Variants in ARHGEF17 observed in about 807,000 individuals in gnomAD.
ARHGEF17 encodes the protein 164 kDa Rho-specific guanine-nucleotide exchange factor.
ARHGEF17 carries 80 observed loss-of-function variants against 174.0 expected under a neutral mutation model. That is an observed-to-expected ratio of 0.46 (90% CI 0.38 to 0.55). The LOEUF (loss-of-function observed/expected upper bound fraction) is 0.55. Ranked by LOEUF, ARHGEF17 falls within the 20% of genes least tolerant of loss-of-function variation. The pLI is 0.00. For missense variants in ARHGEF17, 2,886 were observed against 2,839.7 expected (o/e 1.02, Z -0.37); for synonymous variants, 1,311 against 1,189.1 (o/e 1.10, Z -2.11).
At chr11:73,355,004 C>T (rs1312845417) in intron 3 of ARHGEF17, among the ~76,000 whole-genome samples, 1 of 152,218 alleles carries the variant, frequency 6.6e-6, no homozygotes, top group African/African-American at 2.4e-5. Flanking sequence ...GGCCAGGTGG[C>T]GTACCAGGCA....
chr11:73,362,670 G>A lies in ARHGEF17; in HGVS notation c.4932G>A (p.Ser1644=), dbSNP rs138108633. 2.5e-6 allele frequency: 4 copies of A among 1,611,066 alleles called. No homozygotes were observed. The highest frequency in any genetic ancestry group is 1.1e-5 in the South Asian group (1 of 91,082). The stretch of plus-strand genomic sequence containing the variant: ...ACAGTGACTCTGACGATGAGTCTTC[G>A]CCCAGCCCCTCGGGGACGCTGCAGA... The part of the protein sequence containing the change: ...PFDSDSDDES[S]PSPSGTLQSQ... Residue 1644 remains serine (S), a synonymous_variant, in exon 14 of 21, where the codon TCG becomes TCA. Coordinates refer to ENST00000263674, the MANE Select transcript of ARHGEF17 (RefSeq NM_014786.4).
chr11:73,318,363 G>A (rs777714444), intron 1 of ARHGEF17, among the ~76,000 whole-genome samples: 3 of 152,194 alleles, frequency 2.0e-5, no homozygotes, highest in Non-Finnish European at 2.9e-5. Context: ...TGGGCCGGGC[G>A]TGGTGGCTCA....
Position 73,362,679 on chromosome 11 carries a change from C to G in ARHGEF17, c.4941C>G (p.Pro1647=). The change falls in exon 14 of 21, where the codon CCC becomes CCG. Residue 1647 remains proline, a synonymous_variant. Transcript: ENST00000263674. ...SDSDDESSPS[P]SGTLQSQASR... is the part of the protein sequence containing the mutation. ...CTGACGATGAGTCTTCGCCCAGCCC[C>G]TCGGGGACGCTGCAGAGCCAGGCCA... The G allele has an allele frequency of 6.2e-7, 1 of 1,610,400 alleles. No homozygotes were observed. Among genetic ancestry groups the G allele is most frequent in the Non-Finnish European group, 8.5e-7 (1 of 1,179,688 alleles).
chr11:73,362,449 C>G lies in ARHGEF17; in HGVS notation c.4711C>G (p.Leu1571Val). The G allele has an allele frequency of 6.4e-7, 1 of 1,572,768 alleles. No homozygotes were observed. Among genetic ancestry groups the G allele is most frequent in the Non-Finnish European group, 8.6e-7 (1 of 1,163,542 alleles). ...TTCTCGCAGGGAGCCTCCTCCGTCG[C>G]TGAGGAGTCCTCCAGAGACGGCACC... ...PRCHREPPPS[L>V]RSPPETAPEP... Residue 1571 changes from leucine to valine, a missense_variant, in exon 14 of 21, where the codon CTG becomes GTG. Leu to Val is a conservative substitution (Grantham distance 32, BLOSUM62 1). Transcript: ENST00000263674.
intron 13 of ARHGEF17, 62 bp from the exon 14 acceptor site, chr11:73,362,371 G>T: frequency 6.8e-7 from 1 of 1,464,624 alleles, no homozygotes; most frequent in Non-Finnish European, 9.0e-7. Context: ...CGGTGGGCGT[G>T]TCCACCACCG....
intron 1 of ARHGEF17, among the ~76,000 whole-genome samples, chr11:73,344,652 C>T (rs139994388): frequency 9.8e-5 from 15 of 152,334 alleles, no homozygotes; most frequent in Non-Finnish European, 1.8e-4. Flanking sequence ...TGACCTGCTG[C>T]GTGTGGACAG....
At chr11:73,343,291 G>A in intron 1 of ARHGEF17, 1 of 398,164 alleles carries the variant, frequency 2.5e-6, no homozygotes, top group East Asian at 3.6e-5. Context: ...CGGGGAGGGG[G>A]AGGGGCAGCC....
intron 1 of ARHGEF17, among the ~76,000 whole-genome samples, chr11:73,340,068 G>A (rs1188876645): frequency 6.6e-6 from 1 of 152,112 alleles, no homozygotes; most frequent in Non-Finnish European, 1.5e-5. Context: ...GGCCCACCTG[G>A]TGCCCTCAGC....
At position 73,308,734 on chromosome 11, in the gene ARHGEF17, C is replaced by A; in HGVS notation, c.96C>A (p.Asp32Glu). 1.3e-6 allele frequency: 2 copies of A among 1,507,684 alleles called. No individual in the cohort carries two copies. The highest frequency in any genetic ancestry group is 2.5e-5 in the South Asian group (2 of 80,552). The allele number at this position is 1,507,684 out of a possible 1,614,324, so 93.4% of individuals were successfully genotyped here. The change falls in exon 1 of 21, where the codon GAC becomes GAA. Residue 32 changes from aspartate (D) to glutamate (E), a missense_variant. Transcript: ENST00000263674. The part of the protein sequence containing the change: ...WSGGPGLREE[D>E]TDTPGLRRRA... ...GCGGCCCCGGGCTGAGGGAGGAGGACACGGACACCCCCGGCTTGAGGCGAC... is the reference window on the plus strand; with the variant it reads ...GCGGCCCCGGGCTGAGGGAGGAGGAAACGGACACCCCCGGCTTGAGGCGAC...
In ARHGEF17 at chr11:73,365,832, C is replaced by G. The variant is rs778699721; in HGVS notation, c.5880C>G (p.Leu1960=). ...PGTVSCPRAP[L]SPTGLGQGHT... ...CTGTCAGCTGCCCACGGGCACCACT[C>G]AGTCCCACAGGCCTCGGCCAGGGAC... Residue 1960 remains leucine, a synonymous_variant, in exon 20 of 21, where the codon CTC becomes CTG. Coordinates refer to ENST00000263674, the MANE Select transcript of ARHGEF17 (RefSeq NM_014786.4). This position sits in a 1 kb window ranked among gnomAD's most constrained non-coding sequence, Gnocchi z 4.9. The G allele has an allele frequency of 8.7e-6, 14 of 1,613,164 alleles. No individual in the cohort carries two copies. The African/African-American group carries it at 1.2e-4, about 14-fold the overall frequency.
chr11:73,357,443 C>A, intron 9 of ARHGEF17, 116 bp downstream of exon 9: 2 of 941,436 alleles, frequency 2.1e-6, no homozygotes, highest in Non-Finnish European at 3.2e-6. Context: ...ACTTTTGGGC[C>A]TCGCTCTCTC....
At position 73,311,826 on chromosome 11, in the gene ARHGEF17, A is replaced by G; in HGVS notation, c.3188A>G (p.Gln1063Arg). ...GCCAGCAAGTGCTGCAGCAAGCCAC[A>G]GGTGGTGAGTCCTTTGTAGGGGCCT... ...TPASKCCSKP[Q>R]VDMRKHVAMT... The change falls in exon 1 of 21, where the codon CAG becomes CGG. Residue 1063 changes from glutamine (Q) to arginine (R), a missense_variant. Around this residue, in one of 4 missense-constraint regions of ARHGEF17, gnomAD observed 353 missense variants for 470.3 expected, o/e 0.75. Coordinates refer to ENST00000263674, the MANE Select transcript of ARHGEF17 (RefSeq NM_014786.4). The G allele has an allele frequency of 6.2e-7, 1 of 1,601,018 alleles. No individual in the cohort carries two copies. The highest frequency in any genetic ancestry group is 8.5e-7 in the Non-Finnish European group (1 of 1,171,052).
At chr11:73,360,239 A>G in intron 10 of ARHGEF17, 81 bp from the exon 11 acceptor site, 3 of 1,484,546 alleles carry the variant, frequency 2.0e-6, no homozygotes, top group Non-Finnish European at 2.8e-6. Flanking sequence ...CTAAGGAGAG[A>G]GGCAGGTCCC....
Position 73,363,452 on chromosome 11 carries a change from G to T in ARHGEF17, c.5243G>T (p.Gly1748Val). The change falls in exon 15 of 21, where the codon GGC (glycine) becomes GTC (valine). Residue 1748 changes from glycine to valine, a missense_variant. Transcript: ENST00000263674. ...TCCGTGTGGCTGGGCACTGAGGATG[G>T]CTGGTAGGGACAGGGGAGGGACTAG... ...QSSVWLGTED[G>V]CVHVYQSSDS... 1 of 1,611,896 alleles carries T rather than the reference G, an allele frequency of 6.2e-7. No homozygotes were observed. The highest frequency in any genetic ancestry group is 8.5e-7 in the Non-Finnish European group (1 of 1,179,042).
At chr11:73,346,413 G>A (rs1023221035) in intron 1 of ARHGEF17, among the ~76,000 whole-genome samples, 7 of 152,198 alleles carry the variant, frequency 4.6e-5, no homozygotes, top group Non-Finnish European at 1.0e-4. Flanking sequence ...GGGTGATGGT[G>A]TCTACTCTTA....
intron 1 of ARHGEF17, among the ~76,000 whole-genome samples, chr11:73,338,346 TA>T (rs769772292): frequency 6.6e-6 from 1 of 152,296 alleles, no homozygotes; most frequent in African/African-American, 2.4e-5. Flanking sequence ...CCTGCCTTCT[TA>T]ATCTCTCTAC....
rs749850637 is a variant in ARHGEF17 at position 73,311,624 on chromosome 11, C to A, written c.2986C>A (p.Pro996Thr). ...CATAGGCTTCCCTACCCGAGCCCAT[C>A]CCACGTTGCAGGCACCATCGCTCGA... ...EPIGFPTRAH[P>T]TLQAPSLEDV... Residue 996 changes from proline to threonine, a missense_variant, in exon 1 of 21, where the codon CCC (proline) becomes ACC (threonine). Coordinates refer to ENST00000263674, the MANE Select transcript of ARHGEF17 (RefSeq NM_014786.4). 1.4e-5 allele frequency: 23 copies of A among 1,613,188 alleles called. No homozygotes were observed. Among genetic ancestry groups the A allele is most frequent in the Non-Finnish European group, 1.8e-5 (21 of 1,179,870 alleles).
At chr11:73,312,805 A>G (rs1265671011) in intron 1 of ARHGEF17, among the ~76,000 whole-genome samples, 3 of 151,462 alleles carry the variant, frequency 2.0e-5, no homozygotes, top group Admixed American at 2.0e-4. Flanking sequence ...TGACTCTGAG[A>G]TGCACCCCGT....
intron 1 of ARHGEF17, among the ~76,000 whole-genome samples, chr11:73,336,823 T>C (rs886510644): frequency 2.0e-5 from 3 of 152,228 alleles, no homozygotes; most frequent in African/African-American, 7.2e-5. Context: ...GAAGGCATCC[T>C]CACTCACAAA....
Sources: allele counts gnomAD v4.1 joint callset (sites outside exome capture counted in the v4.1 genomes callset), GRCh38; gene constraint gnomAD v4.1.1; regional missense constraint gnomAD v4.1.1; non-coding constraint Gnocchi (gnomAD v3.1); transcripts MANE v1.5; gene names NCBI Gene and HGNC (gene_info 2026-07-23, HGNC 2026-07-21).